Variants in HTR7 observed in about 807,000 individuals in gnomAD.
HTR7 encodes the protein 5-HT-7.
In HTR7, 16 loss-of-function variants were observed where a neutral mutation model predicts 34.0. That is an observed-to-expected ratio of 0.47 (90% confidence interval 0.32 to 0.71). The LOEUF (loss-of-function observed/expected upper bound fraction) is 0.71. HTR7 is among the 30% of genes least tolerant of loss of function. HTR7 has a pLI of 0.04. For missense variants in HTR7, 504 were observed against 625.5 expected, an observed-to-expected ratio of 0.81 and a Z score of 2.07; for synonymous variants, 265 against 260.2, an observed-to-expected ratio of 1.02 and a Z score of -0.18.
chr10:90,829,556 C>T (rs1023622950), intron 1 of HTR7, among the ~76,000 whole-genome samples: 2 of 151,884 alleles, frequency 1.3e-5, no homozygotes, highest in African/African-American at 4.8e-5. Flanking sequence ...GTGTGATGTT[C>T]CCCTCCCTGT....
intron 1 of HTR7, among the ~76,000 whole-genome samples, chr10:90,806,083 T>A (rs767558928): frequency 1.3e-5 from 2 of 152,088 alleles, no homozygotes; most frequent in Non-Finnish European, 2.9e-5. Context: ...GAAACTAAGA[T>A]GCGTTTTGGT....
At position 90,857,588 on chromosome 10, in the gene HTR7, C is replaced by A. The variant is rs747137253; in HGVS notation, c.84G>T (p.Leu28=). 47 of 1,594,312 alleles carry A rather than the reference C, an allele frequency of 2.9e-5. No homozygotes were observed. The East Asian group carries it at 1.1e-3, about 36-fold the overall frequency. ...SFLLPEVGRG[L]PDLSPDGGAD... ...CGCCACCGTCGGGGCTCAAGTCGGG[C>A]AGCCCGCGCCCCACTTCTGGCAGAA... is the stretch of plus-strand genomic sequence containing the variant. The change falls in exon 1 of 4, where the codon CTG becomes CTT. Residue 28 remains leucine, a synonymous_variant. Transcript: ENST00000336152. The surrounding 1 kb of genome is among the most constrained non-coding windows in gnomAD (Gnocchi z 6.5).
Position 90,763,618 on chromosome 10 carries a change from C to A in HTR7, c.540-14024G>T, listed in dbSNP as rs540980436. Among the ~76,000 whole-genome samples, 7 of 152,220 alleles carry A rather than the reference C, an allele frequency of 4.6e-5. No individual in the cohort carries two copies. In the South Asian group the frequency reaches 1.0e-3, roughly 23 times the overall value. The stretch of plus-strand genomic sequence containing the variant: ...TCTCCTAATGCTCTCCCTCCTCTTG[C>A]CCCCCATCCCCCAACAGGCTCCAGT... On this transcript the variant is annotated intron_variant, in intron 1 of 3. Coordinates refer to ENST00000336152, the MANE Select transcript of HTR7 (RefSeq NM_019859.4).
In HTR7 at chr10:90,807,272, C is replaced by T. The variant is rs375039751; in HGVS notation, c.539+49861G>A. 2.2e-3 allele frequency among the ~76,000 whole-genome samples: 331 copies of T among 152,256 alleles called. 1 individual carries two copies. Among genetic ancestry groups the T allele is most frequent in the Middle Eastern group, 0.01 (3 of 294 alleles). ...TAGAAAGAAATTATTGGGCTGGGCA[C>T]GGTGGATCACACCTATTGTCAGGCC... is the stretch of plus-strand genomic sequence containing the variant. On this transcript the variant is annotated intron_variant, in intron 1 of 3. Transcript: ENST00000336152.
intron 1 of HTR7, among the ~76,000 whole-genome samples, chr10:90,789,869 T>G (rs1261499434): frequency 2.0e-5 from 3 of 152,098 alleles, no homozygotes; most frequent in Non-Finnish European, 4.4e-5. Flanking sequence ...TCAGTTTTCT[T>G]ATCTGTAAAA....
At chr10:90,828,361 G>A (rs1433494052) in intron 1 of HTR7, among the ~76,000 whole-genome samples, 2 of 152,028 alleles carry the variant, frequency 1.3e-5, no homozygotes, top group Non-Finnish European at 2.9e-5. Flanking sequence ...AAATATCAGA[G>A]CAGAAATAAA....
At chr10:90,852,957 T>C (rs1042606223) in intron 1 of HTR7, among the ~76,000 whole-genome samples, 2 of 152,192 alleles carry the variant, frequency 1.3e-5, no homozygotes, top group African/African-American at 4.8e-5. Flanking sequence ...ATCCTTAGAA[T>C]TGTGCACATA....
At chr10:90,807,249 G>C (rs994387945) in intron 1 of HTR7, among the ~76,000 whole-genome samples, 1 of 152,084 alleles carries the variant, frequency 6.6e-6, no homozygotes, top group African/African-American at 2.4e-5. Flanking sequence ...ATAGAAGTTA[G>C]AAAGAAATTA....
At chr10:90,855,371 T>C (rs549576067) in intron 1 of HTR7, among the ~76,000 whole-genome samples, 2 of 152,314 alleles carry the variant, frequency 1.3e-5, no homozygotes, top group Admixed American at 1.3e-4. Context: ...CAAACCTCAA[T>C]GTAGCCCAGA....
intron 1 of HTR7, among the ~76,000 whole-genome samples, chr10:90,750,236 G>T (rs1309849049): frequency 6.6e-6 from 1 of 152,016 alleles, no homozygotes; most frequent in Non-Finnish European, 1.5e-5. Flanking sequence ...CAATGTCAGA[G>T]GAACAATCTA....
Position 90,836,069 on chromosome 10 carries a change from G to A in HTR7, c.539+21064C>T, listed in dbSNP as rs114962157. On this transcript the variant is annotated intron_variant, in intron 1 of 3. Coordinates refer to ENST00000336152, the MANE Select transcript of HTR7 (RefSeq NM_019859.4). ...AAGACACAAATTACGTATCCTTCCC[G>A]ACCGACCTACTGATCCCACCTCAGC... is the stretch of plus-strand genomic sequence containing the variant. Among the ~76,000 whole-genome samples the A allele has an allele frequency of 4.8e-3, 725 of 152,094 alleles. 6 individuals are homozygous for A. The highest frequency in any genetic ancestry group is 0.016 in the African/African-American group (678 of 41,468).
chr10:90,773,513 C>T (rs1266823933), intron 1 of HTR7, among the ~76,000 whole-genome samples: 1 of 152,102 alleles, frequency 6.6e-6, no homozygotes, highest in Non-Finnish European at 1.5e-5. Flanking sequence ...AATTAAGTTT[C>T]TATTGACTAT....
chr10:90,852,359 T>C (rs1846514666), intron 1 of HTR7, among the ~76,000 whole-genome samples: 1 of 152,158 alleles, frequency 6.6e-6, no homozygotes, highest in Non-Finnish European at 1.5e-5. Context: ...GAATACGGAC[T>C]GTTACAACAA....
At chr10:90,828,866 C>T (rs949331193) in intron 1 of HTR7, among the ~76,000 whole-genome samples, 2 of 151,064 alleles carry the variant, frequency 1.3e-5, no homozygotes, top group Admixed American at 6.6e-5. Flanking sequence ...CAGATGAAAA[C>T]GCATCCAAAA....
At chr10:90,848,009 C>G (rs1564702396) in intron 1 of HTR7, among the ~76,000 whole-genome samples, 1 of 151,808 alleles carries the variant, frequency 6.6e-6, no homozygotes, top group Non-Finnish European at 1.5e-5. Flanking sequence ...ACCTTAGAAG[C>G]ATGCCGCTCT....
chr10:90,777,053 A>T (rs571571788), intron 1 of HTR7, among the ~76,000 whole-genome samples: 1 of 152,204 alleles, frequency 6.6e-6, no homozygotes, highest in Non-Finnish European at 1.5e-5. Flanking sequence ...AACTGGCTTA[A>T]ATAAATAAGG....
chr10:90,835,975 GAAC>G (rs1768019638), intron 1 of HTR7, among the ~76,000 whole-genome samples: 1 of 152,146 alleles, frequency 6.6e-6, no homozygotes, highest in South Asian at 2.1e-4. Flanking sequence ...GAAAGGGCAA[GAAC>G]AACTTGGATG....
intron 1 of HTR7, among the ~76,000 whole-genome samples, chr10:90,833,424 G>C (rs1846208032): frequency 6.6e-6 from 1 of 152,170 alleles, no homozygotes; most frequent in South Asian, 2.1e-4. Context: ...TCTGACTCTG[G>C]GTAACCTGAT....
intron 1 of HTR7, among the ~76,000 whole-genome samples, chr10:90,772,731 T>G (rs925285145): frequency 3.9e-5 from 6 of 152,328 alleles, no homozygotes; most frequent in African/African-American, 1.4e-4. Context: ...GAATAAGTAT[T>G]ACTAAAAGCA....
Sources: allele counts gnomAD v4.1 joint callset (sites outside exome capture counted in the v4.1 genomes callset), GRCh38; gene constraint gnomAD v4.1.1; non-coding constraint Gnocchi (gnomAD v3.1); transcripts MANE v1.5; gene names NCBI Gene and HGNC (gene_info 2026-07-23, HGNC 2026-07-21).